Variants in MEAF6 observed in about 807,000 individuals in gnomAD.
The protein encoded by MEAF6 is chromatin modification-related protein MEAF6.
A neutral mutation model predicts 28.9 loss-of-function variants in MEAF6; 15 were observed. That is an observed-to-expected ratio of 0.52 (90% CI 0.35 to 0.80). The LOEUF (loss-of-function observed/expected upper bound fraction) is 0.80, where lower values mean the gene tolerates loss of function less well. Ranked by LOEUF, MEAF6 falls within the 30% of genes least tolerant of loss-of-function variation. MEAF6 has a pLI of 0.01. For missense variants in MEAF6, 178 were observed against 237.5 expected (o/e 0.75, Z 1.65); for synonymous variants, 97 against 88.7 (o/e 1.09, Z -0.53).
chr1:37,513,728 TG>T, intron 1 of MEAF6, 190 bp from the exon 2 acceptor site: 1 of 602,442 alleles, frequency 1.7e-6, no homozygotes, highest in East Asian at 2.7e-5. Flanking sequence ...TTGGGGGTGA[TG>T]GACCCCTGAA....
chr1:37,514,591 C>G lies in MEAF6; in HGVS notation c.90+66G>C, dbSNP rs571354424. ...TAACAAACGGCCTAGCGCGGCCGGG[C>G]TTGGGGCCTGGAGGCGGGGCGGGCG... On this transcript the variant is annotated intron_variant, in intron 1 of 6. Transcript: ENST00000296214. 9.0e-3 allele frequency: 11,964 copies of G among 1,325,798 alleles called. 120 individuals are homozygous for G. The highest frequency in any genetic ancestry group is 0.031 in the Middle Eastern group (166 of 5,270). 82.1% of individuals were successfully genotyped at this position (1,325,798 alleles called of 1,614,324 possible).
At chr1:37,494,598 A>G (rs1200163731) in intron 6 of MEAF6, among the ~76,000 whole-genome samples, 1 of 151,324 alleles carries the variant, frequency 6.6e-6, no homozygotes, top group Non-Finnish European at 1.5e-5. Context: ...AGGGAGGCCC[A>G]GGCGGGCAGA....
At position 37,492,762 on chromosome 1, in the gene MEAF6, A is replaced by C. The variant is rs1273565491; in HGVS notation, c.*1337T>G. On this transcript the variant is annotated 3_prime_UTR_variant, in exon 7 of 7. Coordinates refer to ENST00000296214, the MANE Select transcript of MEAF6 (RefSeq NM_001270875.3). The stretch of plus-strand genomic sequence containing the variant: ...CTATGACTAACTAGAGTGAAAGGAA[A>C]GGTTAGACCCCAAATCTTATCCCTT... 1 of 152,644 alleles carries C rather than the reference A, an allele frequency of 6.6e-6. No individual in the cohort carries two copies. The highest frequency in any genetic ancestry group is 1.5e-5 in the Non-Finnish European group (1 of 68,042). The allele number at this position is 152,644 out of a possible 1,614,324, so 9.5% of individuals were successfully genotyped here. A position where few individuals can be genotyped will look rare whatever the true frequency, so the allele number is the denominator to read the frequency against.
chr1:37,508,988 T>G (rs1420391401), intron 4 of MEAF6, among the ~76,000 whole-genome samples: 7 of 152,248 alleles, frequency 4.6e-5, no homozygotes, highest in Middle Eastern at 3.4e-3. Flanking sequence ...TCCTAGCTAC[T>G]TGGGAGGCCG....
At chr1:37,509,025 A>G (rs1433675211) in intron 4 of MEAF6, among the ~76,000 whole-genome samples, 1 of 152,178 alleles carries the variant, frequency 6.6e-6, no homozygotes. Flanking sequence ...TGAGCCTAGG[A>G]GTTTGAGGCT....
chr1:37,501,683 TG>T (rs1370502362), intron 5 of MEAF6, 120 bp downstream of exon 5: 1 of 1,013,392 alleles, frequency 9.9e-7, no homozygotes, highest in Non-Finnish European at 1.4e-6. Flanking sequence ...TTGGACCTAA[TG>T]ACTTTCTTGC....
chr1:37,509,515 C>T lies in MEAF6; in HGVS notation c.234G>A (p.Arg78=). The change falls in exon 3 of 7, where the codon AGG becomes AGA. Residue 78 remains arginine (R), a synonymous_variant. Transcript: ENST00000296214. ...QKNSNSKNDR[R]NRKFKEAERL... ...GCTCAGCTTCCTTAAACTTCCGGTT[C>T]CTTCGATCATTTTTGCTATTGGAGT... is the stretch of plus-strand genomic sequence containing the variant. 6.2e-7 allele frequency: 1 copy of T among 1,614,040 alleles called. No homozygotes were observed. The highest frequency in any genetic ancestry group is 1.1e-5 in the South Asian group (1 of 91,046).
intron 1 of MEAF6, chr1:37,513,855 T>A: frequency 4.6e-6 from 2 of 430,390 alleles, no homozygotes; most frequent in Non-Finnish European, 8.3e-6. Flanking sequence ...TTGGGCGATG[T>A]CCACTCCCAC....
In MEAF6 at chr1:37,497,812, G is replaced by A. The variant is rs543862199; in HGVS notation, c.534-1894C>T. ...TCACCATGTTGGCCAAGCTGGTCTC[G>A]AACTCCTGACCTCAGGTGATCCATC... On this transcript the variant is annotated intron_variant, in intron 5 of 6. Transcript: ENST00000296214. 8.6e-5 allele frequency among the ~76,000 whole-genome samples: 13 copies of A among 152,028 alleles called. No homozygotes were observed. In the South Asian group the frequency reaches 2.5e-3, roughly 29 times the overall value.
In MEAF6 at chr1:37,501,967, T is replaced by C; in HGVS notation, c.370A>G (p.Thr124Ala). The C allele has an allele frequency of 1.2e-6, 2 of 1,607,284 alleles. No individual in the cohort carries two copies. The highest frequency in any genetic ancestry group is 1.7e-6 in the Non-Finnish European group (2 of 1,175,290). Residue 124 changes from threonine (T) to alanine (A), a missense_variant, in exon 5 of 7, where the codon ACT (threonine) becomes GCT (alanine). Physicochemically the swap from Thr to Ala is moderately conservative, Grantham distance 58. This residue lies in a region of MEAF6 where 124 missense variants were observed against 200.5 expected (regional missense o/e 0.62). Coordinates refer to ENST00000296214, the MANE Select transcript of MEAF6 (RefSeq NM_001270875.3). ...REPGSGTESD[T>A]SPDFHNQENE... ...TCCTGATTGTGGAAGTCTGGAGAAG[T>C]GTCACTTTCCGTCCCACTTCCTGGC...
Position 37,514,411 on chromosome 1 carries a change from C to T in MEAF6, c.90+246G>A, listed in dbSNP as rs1423297533. On this transcript the variant is annotated intron_variant, in intron 1 of 6. Coordinates refer to ENST00000296214, the MANE Select transcript of MEAF6 (RefSeq NM_001270875.3). ...GCACCGTCCTCCCTCCACGCCCCCT[C>T]CTGCGGCTGCCGCTTCCCCTCCCCC... 2.1e-5 allele frequency: 6 copies of T among 290,246 alleles called. No homozygotes were observed. In the East Asian group the frequency reaches 3.6e-4, roughly 17 times the overall value. 18.0% of individuals were successfully genotyped at this position (290,246 alleles called of 1,614,324 possible). A position where few individuals can be genotyped will look rare whatever the true frequency, so the allele number is the denominator to read the frequency against.
intron 6 of MEAF6, among the ~76,000 whole-genome samples, chr1:37,495,170 T>C (rs1172100391): frequency 6.6e-6 from 1 of 151,012 alleles, no homozygotes; most frequent in Non-Finnish European, 1.5e-5. Flanking sequence ...CTGTCTCTAC[T>C]AAAATACAAA....
intron 4 of MEAF6, among the ~76,000 whole-genome samples, chr1:37,507,226 A>T (rs1275257024): frequency 6.6e-6 from 1 of 152,108 alleles, no homozygotes; most frequent in Non-Finnish European, 1.5e-5. Flanking sequence ...AGGCTGAGGC[A>T]GGAGAATTGC....
rs1381792237 is a variant in MEAF6 at position 37,490,339 on chromosome 1, A to C, written c.*3760T>G. ...CCACTTAGACAATTCAGACAAGGTA[A>C]TGCTCATTTAGACTGACACAGGTAT... is the stretch of plus-strand genomic sequence containing the variant. On this transcript the variant is annotated 3_prime_UTR_variant, in exon 7 of 7. Coordinates refer to ENST00000296214, the MANE Select transcript of MEAF6 (RefSeq NM_001270875.3). Among the ~76,000 whole-genome samples the C allele has an allele frequency of 6.6e-6, 1 of 152,158 alleles. No individual in the cohort carries two copies. Among genetic ancestry groups the C allele is most frequent in the Non-Finnish European group, 1.5e-5 (1 of 68,042 alleles).
intron 1 of MEAF6, 54 bp downstream of exon 1, chr1:37,514,601 GGA>G: frequency 7.3e-7 from 1 of 1,377,428 alleles, no homozygotes; most frequent in Non-Finnish European, 9.6e-7. Flanking sequence ...CTTGGGGCCT[GGA>G]GGCGGGGCGG....
At chr1:37,494,667 C>CA (rs1642055492) in intron 6 of MEAF6, among the ~76,000 whole-genome samples, 2 of 151,638 alleles carry the variant, frequency 1.3e-5, no homozygotes, top group South Asian at 4.2e-4. Context: ...CATGTCTCTA[C>CA]AAAAAACACA....
At chr1:37,497,560 A>G (rs535905109) in intron 5 of MEAF6, among the ~76,000 whole-genome samples, 1 of 151,752 alleles carries the variant, frequency 6.6e-6, no homozygotes, top group South Asian at 2.1e-4. Flanking sequence ...AAGAAACACA[A>G]AAGTCTGCAG....
At chr1:37,495,040 A>T (rs1642069182) in intron 6 of MEAF6, among the ~76,000 whole-genome samples, 1 of 151,930 alleles carries the variant, frequency 6.6e-6, no homozygotes, top group Non-Finnish European at 1.5e-5. Flanking sequence ...CATCATTAAA[A>T]ATGTATGTGA....
rs1243269442 is a variant in MEAF6 at position 37,493,842 on chromosome 1, A to C, written c.*257T>G. 1 of 1,550,122 alleles carries C rather than the reference A, an allele frequency of 6.5e-7. No individual in the cohort carries two copies. The highest frequency in any genetic ancestry group is 2.4e-5 in the East Asian group (1 of 41,008). On this transcript the variant is annotated 3_prime_UTR_variant, in exon 7 of 7. Transcript: ENST00000296214. ...AAGAAGGGAGAAACGCACAGTTAGCAACTTGCTGGGATTACAACATTGTCT... is the reference window on the plus strand; with the variant it reads ...AAGAAGGGAGAAACGCACAGTTAGCCACTTGCTGGGATTACAACATTGTCT...
Sources: gnomAD v4.1 joint callset for allele counts (sites outside exome capture counted in the v4.1 genomes callset) on GRCh38, gnomAD v4.1.1 for gene constraint, gnomAD v4.1.1 regional missense constraint, MANE v1.5 for transcripts, NCBI Gene and HGNC (gene_info 2026-07-23, HGNC 2026-07-21) for gene names.